Variants in SLC1A1 observed in about 807,000 individuals in gnomAD.
SLC1A1 encodes the protein solute carrier family 1 member 1.
Under a neutral mutation model 53.3 loss-of-function variants are expected in SLC1A1, and 43 were observed. The ratio of observed to expected loss-of-function variants is 0.81; its 90% confidence interval spans 0.63 to 1.04. The LOEUF (loss-of-function observed/expected upper bound fraction) is 1.04. SLC1A1 is among the 50% of genes least tolerant of loss of function. The pLI, the probability that SLC1A1 is intolerant of heterozygous loss-of-function variation, is 0.00. For missense variants in SLC1A1, 748 were observed against 664.9 expected (o/e 1.12, Z -1.37); for synonymous variants, 307 against 243.2 (o/e 1.26, Z -2.44).
intron 1 of SLC1A1, among the ~76,000 whole-genome samples, chr9:4,499,151 T>G (rs996025353): frequency 2.6e-5 from 4 of 151,334 alleles, no homozygotes; most frequent in Non-Finnish European, 5.9e-5. Context: ...TTCAAGCGAT[T>G]CTTCTGCCTT....
At chr9:4,490,890 C>G (rs2130782977) in intron 1 of SLC1A1, 120 bp downstream of exon 1, 1 of 792,834 alleles carries the variant, frequency 1.3e-6, no homozygotes. Flanking sequence ...TCGATGCCCC[C>G]TCGGCCTTAG....
chr9:4,502,000 C>G (rs941887615), intron 1 of SLC1A1, among the ~76,000 whole-genome samples: 1 of 151,688 alleles, frequency 6.6e-6, no homozygotes, highest in African/African-American at 2.4e-5. Context: ...GAGCCTCTCC[C>G]CATTACTGGA....
intron 1 of SLC1A1, among the ~76,000 whole-genome samples, chr9:4,528,547 G>C (rs1816349001): frequency 6.6e-6 from 1 of 152,172 alleles, no homozygotes; most frequent in African/African-American, 2.4e-5. Flanking sequence ...CTGCACTCCA[G>C]CCTGGGAGAC....
rs754659078 is a variant in SLC1A1 at position 4,567,759 on chromosome 9, A to G, written c.574A>G (p.Ile192Val). Residue 192 changes from isoleucine (I) to valine (V), a missense_variant, in exon 6 of 12, where the codon ATT becomes GTT. Ile to Val is a conservative substitution (Grantham distance 29, BLOSUM62 3). Coordinates refer to ENST00000262352, the MANE Select transcript of SLC1A1 (RefSeq NM_004170.6). ...CTTCACAGCTGTCATGACAACTGCA[A>G]TTTCCAAGGTACCATTCTTATTTCC... Reference protein sequence around the residue: ...ESFTAVMTTAISKNKTKEYKI... With the variant: ...ESFTAVMTTAVSKNKTKEYKI... The G allele has an allele frequency of 1.0e-5, 16 of 1,597,124 alleles. No individual in the cohort carries two copies. Among genetic ancestry groups the G allele is most frequent in the East Asian group, 4.5e-5 (2 of 44,816 alleles).
chr9:4,581,298 C>T (rs1821075945), intron 10 of SLC1A1, among the ~76,000 whole-genome samples: 1 of 152,170 alleles, frequency 6.6e-6, no homozygotes, highest in African/African-American at 2.4e-5. Flanking sequence ...AACTTTGTAC[C>T]ACTGATATTT....
At chr9:4,509,342 G>T (rs1293077142) in intron 1 of SLC1A1, among the ~76,000 whole-genome samples, 2 of 152,052 alleles carry the variant, frequency 1.3e-5, no homozygotes, top group African/African-American at 4.8e-5. Context: ...TTGAATCAAG[G>T]GACTATTTAT....
At chr9:4,502,985 C>G (rs1820686477) in intron 1 of SLC1A1, among the ~76,000 whole-genome samples, 1 of 151,750 alleles carries the variant, frequency 6.6e-6, no homozygotes, top group Admixed American at 6.6e-5. Context: ...CTTTCATGCC[C>G]TAATCCTTTT....
chr9:4,498,439 TAAATA>T (rs1264131249), intron 1 of SLC1A1, among the ~76,000 whole-genome samples: 2 of 152,130 alleles, frequency 1.3e-5, no homozygotes, highest in Admixed American at 6.5e-5. Context: ...CCAAAAACAC[TAAATA>T]AAATAATAGT....
At chr9:4,503,512 G>A (rs1384854011) in intron 1 of SLC1A1, among the ~76,000 whole-genome samples, 1 of 151,782 alleles carries the variant, frequency 6.6e-6, no homozygotes, top group Non-Finnish European at 1.5e-5. Flanking sequence ...GGCCTTCAAA[G>A]AAGGTGCAAC....
At chr9:4,534,764 T>C (rs574819578) in intron 1 of SLC1A1, among the ~76,000 whole-genome samples, 3 of 152,046 alleles carry the variant, frequency 2.0e-5, no homozygotes, top group African/African-American at 7.2e-5. Flanking sequence ...AGAAAGAGAA[T>C]TTTAGACCAA....
In SLC1A1 at chr9:4,506,933, A is replaced by G. The variant is rs571314114; in HGVS notation, c.91+16163A>G. ...CTGAAGATTCCCACAGACATATAAT[A>G]AAAGGTTCCAAGAGTAGGCTGGCGG... On this transcript the variant is annotated intron_variant, in intron 1 of 11. Transcript: ENST00000262352. 2.4e-3 allele frequency among the ~76,000 whole-genome samples: 370 copies of G among 152,334 alleles called. 2 individuals carry two copies. The highest frequency in any genetic ancestry group is 8.6e-3 in the African/African-American group (358 of 41,580).
In SLC1A1 at chr9:4,537,596, AAT is replaced by A. The variant is rs1251766903; in HGVS notation, c.92-6969_92-6968del. 8.0e-4 allele frequency among the ~76,000 whole-genome samples: 118 copies of A among 147,292 alleles called. 17 individuals are homozygous for A. The South Asian group carries it at 0.014, about 17-fold the overall frequency. ...AATAAAATAAAATAAAATAAAATAA[AAT>A]AAAAAAAAAAAAAATCACATGCTAC... is the stretch of plus-strand genomic sequence containing the variant. On this transcript the variant is annotated intron_variant, in intron 1 of 11. Coordinates refer to ENST00000262352, the MANE Select transcript of SLC1A1 (RefSeq NM_004170.6).
chr9:4,576,878 A>G (rs1802261720), intron 10 of SLC1A1, 115 bp downstream of exon 10: 1 of 983,150 alleles, frequency 1.0e-6, no homozygotes, highest in Non-Finnish European at 1.6e-6. Context: ...TTCTTGATCT[A>G]TAAAGTCCCT....
intron 1 of SLC1A1, among the ~76,000 whole-genome samples, chr9:4,536,858 C>T (rs894922169): frequency 6.6e-6 from 1 of 152,050 alleles, no homozygotes; most frequent in Non-Finnish European, 1.5e-5. Context: ...GAATACTATG[C>T]AGCCATAAAA....
chr9:4,545,422 A>C (rs1398253482), intron 2 of SLC1A1, among the ~76,000 whole-genome samples: 1 of 152,212 alleles, frequency 6.6e-6, no homozygotes, highest in Admixed American at 6.5e-5. Flanking sequence ...ATGGGAAAAA[A>C]AAGCATATTT....
At chr9:4,547,767 A>C (rs1817605135) in intron 2 of SLC1A1, among the ~76,000 whole-genome samples, 1 of 152,086 alleles carries the variant, frequency 6.6e-6, no homozygotes, top group Non-Finnish European at 1.5e-5. Context: ...AATGTATACA[A>C]ATTTATATTG....
chr9:4,517,906 T>G (rs376713109), intron 1 of SLC1A1, among the ~76,000 whole-genome samples: 11 of 152,176 alleles, frequency 7.2e-5, no homozygotes, highest in African/African-American at 2.6e-4. Flanking sequence ...CTGAAAATTG[T>G]TGAAATGTAT....
intron 8 of SLC1A1, 25 bp from the exon 9 acceptor site, chr9:4,575,976 T>C: frequency 6.2e-7 from 1 of 1,613,100 alleles, no homozygotes; most frequent in Non-Finnish European, 8.5e-7. Context: ...TCTTTGAAAC[T>C]TTAATTTCTC....
chr9:4,575,368 G>T (rs1196224041), intron 8 of SLC1A1, among the ~76,000 whole-genome samples: 2 of 152,150 alleles, frequency 1.3e-5, no homozygotes, highest in African/African-American at 4.8e-5. Flanking sequence ...GAGAAGGCAG[G>T]AATAACAAAG....
Sources: gnomAD v4.1 joint callset for allele counts (sites outside exome capture counted in the v4.1 genomes callset) on GRCh38, gnomAD v4.1.1 for gene constraint, MANE v1.5 for transcripts, NCBI Gene and HGNC (gene_info 2026-07-23, HGNC 2026-07-21) for gene names.